The following TAF4 variants were observed in gnomAD, a reference collection of about 807,000 sequenced individuals.
TAF4 encodes transcription initiation factor TFIID subunit 4.
In TAF4, 9 loss-of-function variants were observed where a neutral mutation model predicts 90.3. The observed-to-expected ratio is 0.10, with a 90% confidence interval of 0.06 to 0.17. The LOEUF (loss-of-function observed/expected upper bound fraction) is 0.17. Among genes scored for constraint, TAF4 ranks in the 10% least tolerant of loss-of-function variants. The pLI is 1.00. For missense variants in TAF4, 1,351 were observed against 1,370.7 expected (o/e 0.99, Z 0.23); for synonymous variants, 818 against 638.9 (o/e 1.28, Z -4.23).
intron 11 of TAF4, 116 bp from the exon 12 acceptor site, chr20:61,999,224 T>C: frequency 1.5e-6 from 2 of 1,366,354 alleles, no homozygotes; most frequent in South Asian, 1.3e-5. Flanking sequence ...CCAGTCTGAA[T>C]GCGGCGAGGA....
At chr20:62,021,838 T>A in intron 1 of TAF4, among the ~76,000 whole-genome samples, 1 of 151,988 alleles carries the variant, frequency 6.6e-6, no homozygotes. Flanking sequence ...TTTTTAAATA[T>A]TTAAAAAAAG....
chr20:62,012,857 C>A lies in TAF4; in HGVS notation c.1599G>T (p.Thr533=), dbSNP rs778222434. Residue 533 remains threonine (T), a synonymous_variant, in exon 3 of 15, where the codon ACG becomes ACT. Coordinates refer to ENST00000252996, the MANE Select transcript of TAF4 (RefSeq NM_003185.4). ...IIKQVSQAQT[T]VQPSATLQRS... ...GCTGCAGGGTTGCACTGGGCTGCAC[C>A]GTTGTCTGGGCCTGAGACACTTGCT... is the stretch of plus-strand genomic sequence containing the variant. 6.2e-7 allele frequency: 1 copy of A among 1,614,122 alleles called. No homozygotes were observed. The highest frequency in any genetic ancestry group is 2.2e-5 in the East Asian group (1 of 44,874).
At chr20:62,063,498 C>A (rs1268248786) in intron 1 of TAF4, among the ~76,000 whole-genome samples, 1 of 152,162 alleles carries the variant, frequency 6.6e-6, no homozygotes, top group Admixed American at 6.5e-5. Context: ...GCCAGGCAAT[C>A]TTTCCTGTCA....
Position 62,012,849 on chromosome 20 carries a change from G to T in TAF4, c.1607C>A (p.Pro536His). The stretch of plus-strand genomic sequence containing the variant: ...GGGCGAGCGCTGCAGGGTTGCACTG[G>T]GCTGCACCGTTGTCTGGGCCTGAGA... ...QVSQAQTTVQ[P>H]SATLQRSPGV... Residue 536 changes from proline to histidine, a missense_variant, in exon 3 of 15, where the codon CCC becomes CAC. Pro to His is a moderately conservative substitution (Grantham distance 77, BLOSUM62 -2). This residue lies in a region of TAF4 where 143 missense variants were observed against 176.3 expected (regional missense o/e 0.81). Coordinates refer to ENST00000252996, the MANE Select transcript of TAF4 (RefSeq NM_003185.4). 1 of 1,614,120 alleles carries T rather than the reference G, an allele frequency of 6.2e-7. No homozygotes were observed. The highest frequency in any genetic ancestry group is 8.5e-7 in the Non-Finnish European group (1 of 1,180,034).
At chr20:62,061,255 G>A (rs759141832) in intron 1 of TAF4, among the ~76,000 whole-genome samples, 6 of 152,232 alleles carry the variant, frequency 3.9e-5, no homozygotes, top group African/African-American at 9.7e-5. Flanking sequence ...CCAACAGCGC[G>A]ATTAAGGGCT....
chr20:61,994,019 G>A (rs1197308949), intron 14 of TAF4, among the ~76,000 whole-genome samples: 1 of 151,970 alleles, frequency 6.6e-6, no homozygotes, highest in African/African-American at 2.4e-5. Context: ...CCAAAGTGCT[G>A]GGATTACAAC....
At position 62,065,534 on chromosome 20, in the gene TAF4, C is replaced by G; in HGVS notation, c.277G>C (p.Gly93Arg). The G allele has an allele frequency of 1.0e-6, 1 of 977,658 alleles. No individual in the cohort carries two copies. The highest frequency in any genetic ancestry group is 1.2e-6 in the Non-Finnish European group (1 of 826,530). The allele number at this position is 977,658 out of a possible 1,614,324, so 60.6% of individuals were successfully genotyped here. A position where few individuals can be genotyped will look rare whatever the true frequency, so the allele number is the denominator to read the frequency against. ...CCCCCGCCCCCCGGCCGCGCTCTAC[C>G]TGCGGGGGGCGGCTCCGGCGCCGCT... ...PGAAPEPPPA[G>R]RARPGGGGPQ... The change falls in exon 1 of 15, where the codon GGT becomes CGT. Residue 93 changes from glycine to arginine, a missense_variant. By Grantham distance (125) the Gly-to-Arg change is moderately radical. This residue lies in a region of TAF4 where 782 missense variants were observed against 536.6 expected (regional missense o/e 1.46). Transcript: ENST00000252996.
chr20:62,041,514 A>C (rs1271092677), intron 1 of TAF4, among the ~76,000 whole-genome samples: 2 of 152,060 alleles, frequency 1.3e-5, no homozygotes, highest in African/African-American at 4.8e-5. Context: ...CTGCAGTCCC[A>C]GCTACTTGGG....
chr20:61,982,500 CACCT>C (rs1373670443), intron 14 of TAF4, among the ~76,000 whole-genome samples: 2 of 120,072 alleles, frequency 1.7e-5, no homozygotes, highest in Non-Finnish European at 3.5e-5. Context: ...AACCCACACC[CACCT>C]GAGAAGAAAC....
At chr20:61,989,077 G>C (rs2055614490) in intron 14 of TAF4, among the ~76,000 whole-genome samples, 1 of 152,192 alleles carries the variant, frequency 6.6e-6, no homozygotes, top group African/African-American at 2.4e-5. Flanking sequence ...AATAGACAAG[G>C]ATGGGGGCGG....
At chr20:62,019,528 T>C (rs1027790534) in intron 1 of TAF4, among the ~76,000 whole-genome samples, 9 of 152,320 alleles carry the variant, frequency 5.9e-5, no homozygotes, top group African/African-American at 2.2e-4. Flanking sequence ...CTCCCAGCGG[T>C]TCAAGGCCAC....
At chr20:62,026,838 C>T (rs2055877775) in intron 1 of TAF4, among the ~76,000 whole-genome samples, 1 of 152,224 alleles carries the variant, frequency 6.6e-6, no homozygotes, top group Admixed American at 6.5e-5. Flanking sequence ...TATCCTTATT[C>T]CTTAGGTGGT....
intron 1 of TAF4, among the ~76,000 whole-genome samples, chr20:62,063,505 G>A (rs2056101812): frequency 6.6e-6 from 1 of 152,194 alleles, no homozygotes; most frequent in Non-Finnish European, 1.5e-5. Flanking sequence ...AATCTTTCCT[G>A]TCAAACTTGA....
intron 1 of TAF4, among the ~76,000 whole-genome samples, chr20:62,059,213 A>G (rs1411789025): frequency 6.6e-6 from 1 of 152,212 alleles, no homozygotes; most frequent in Non-Finnish European, 1.5e-5. Flanking sequence ...AGGCCTGGAG[A>G]AGAGCCTGGG....
chr20:62,061,193 G>A (rs537216445), intron 1 of TAF4, among the ~76,000 whole-genome samples: 6 of 152,212 alleles, frequency 3.9e-5, no homozygotes, highest in African/African-American at 1.2e-4. Flanking sequence ...AGGGGTGGCC[G>A]TCTGCATGCC....
chr20:61,978,126 CGCG>C (rs2055508338), intron 14 of TAF4, among the ~76,000 whole-genome samples: 1 of 42,088 alleles, frequency 2.4e-5, no homozygotes, highest in African/African-American at 7.5e-5. Flanking sequence ...CAAGGGAGGG[CGCG>C]AGACCAACCA....
chr20:61,982,145 G>A (rs1479751494), intron 14 of TAF4, among the ~76,000 whole-genome samples: 1 of 87,128 alleles, frequency 1.1e-5, no homozygotes, highest in African/African-American at 4.6e-5. Flanking sequence ...ACCCACCCTA[G>A]AAGAGACACC....
At chr20:61,986,267 CCAAAGGAAACACCATCCCCCAT>C (rs1226883925) in intron 14 of TAF4, among the ~76,000 whole-genome samples, 16 of 120,314 alleles carry the variant, frequency 1.3e-4, no homozygotes, top group African/African-American at 2.9e-4. Flanking sequence ...CCATCCCCAA[CCAAAGGAAACACCATCCCCCAT>C]CAAAGGAAAC....
chr20:62,013,085 A>C (rs1002527923), intron 2 of TAF4, 151 bp from the exon 3 acceptor site: 1 of 1,180,654 alleles, frequency 8.5e-7, no homozygotes, highest in Non-Finnish European at 1.1e-6. Context: ...CTGTAATTCT[A>C]AAGTTTTCTT....
Sources: gnomAD v4.1 joint callset for allele counts (sites outside exome capture counted in the v4.1 genomes callset) on GRCh38, gnomAD v4.1.1 for gene constraint, gnomAD v4.1.1 regional missense constraint, MANE v1.5 for transcripts, NCBI Gene and HGNC (gene_info 2026-07-23, HGNC 2026-07-21) for gene names.